ARHGAP42: variants seen among roughly 807,000 people sequenced by gnomAD.
ARHGAP42 encodes Rho GTPase activating protein 42, also known as rho GTPase-activating protein 42.
In ARHGAP42, 63 loss-of-function variants were observed where a neutral mutation model predicts 125.0. The observed-to-expected ratio is 0.50, with a 90% CI of 0.41 to 0.62. The LOEUF (loss-of-function observed/expected upper bound fraction) is 0.62. Among genes scored for constraint, ARHGAP42 ranks in the 20% least tolerant of loss-of-function variants. ARHGAP42 has a pLI of 0.00. For missense variants in ARHGAP42, 766 were observed against 1,024.2 expected (o/e 0.75, Z 3.44); for synonymous variants, 339 against 351.0 (o/e 0.97, Z 0.38).
intron 7 of ARHGAP42, among the ~76,000 whole-genome samples, chr11:100,935,238 T>A (rs546593702): frequency 1.3e-5 from 2 of 152,134 alleles, no homozygotes; most frequent in Non-Finnish European, 2.9e-5. Flanking sequence ...GAGGTATTCA[T>A]AGAGAAAAGT....
chr11:100,738,253 A>C (rs1158044639), intron 1 of ARHGAP42, among the ~76,000 whole-genome samples: 1 of 152,178 alleles, frequency 6.6e-6, no homozygotes, highest in Non-Finnish European at 1.5e-5. Context: ...TTCTCTCTTC[A>C]TCTTTAATAT....
At position 100,866,513 on chromosome 11, in the gene ARHGAP42, T is replaced by G. The variant is rs142101909; in HGVS notation, c.384+6888T>G. ...TGAGTAACTACCTGAGACTGGGTAA[T>G]TTATGAAGAAAAGAGGTTTAATTGA... On this transcript the variant is annotated intron_variant, in intron 4 of 23. Transcript: ENST00000298815. Among the ~76,000 whole-genome samples the G allele has an allele frequency of 6.1e-3, 932 of 152,286 alleles. 9 individuals carry two copies. The highest frequency in any genetic ancestry group is 0.021 in the African/African-American group (884 of 41,560).
At chr11:100,778,139 C>T (rs1399226184) in intron 2 of ARHGAP42, among the ~76,000 whole-genome samples, 1 of 151,756 alleles carries the variant, frequency 6.6e-6, no homozygotes, top group Non-Finnish European at 1.5e-5. Context: ...CACCACTGTA[C>T]TGCAGCCTGG....
intron 1 of ARHGAP42, among the ~76,000 whole-genome samples, chr11:100,733,028 C>T (rs1591135159): frequency 6.6e-6 from 1 of 152,230 alleles, no homozygotes; most frequent in East Asian, 1.9e-4. Flanking sequence ...AGTAAATCAC[C>T]ACAAATCCAG....
rs1312885518 is a variant in ARHGAP42 at position 100,993,430 on chromosome 11, G to A, written c.*4629G>A. On this transcript the variant is annotated 3_prime_UTR_variant, in exon 24 of 24. Transcript: ENST00000298815. ...CAACTGCCTCCTTTTTGCAGAGAAC[G>A]ATCCCCACAGGAACTGGTCTAAGAA... The A allele has an allele frequency of 1.8e-5, 3 of 166,832 alleles. No homozygotes were observed. The highest frequency in any genetic ancestry group is 4.4e-5 in the Non-Finnish European group (3 of 68,094). The allele number at this position is 166,832 out of a possible 1,614,324, so 10.3% of individuals were successfully genotyped here. A position where few individuals can be genotyped will look rare whatever the true frequency, so the allele number is the denominator to read the frequency against.
intron 3 of ARHGAP42, among the ~76,000 whole-genome samples, chr11:100,807,352 T>C (rs778460851): frequency 2.0e-5 from 3 of 152,012 alleles, no homozygotes; most frequent in Non-Finnish European, 4.4e-5. Context: ...TGCATCAACA[T>C]GTCTGGCCAA....
intron 4 of ARHGAP42, among the ~76,000 whole-genome samples, chr11:100,864,266 C>A (rs1310108423): frequency 2.0e-5 from 3 of 151,464 alleles, no homozygotes; most frequent in Admixed American, 6.6e-5. Context: ...CTCACTGCAA[C>A]CTCCACCTCC....
chr11:100,869,453 C>T (rs931329774), intron 4 of ARHGAP42, among the ~76,000 whole-genome samples: 1 of 150,154 alleles, frequency 6.7e-6, no homozygotes, highest in Non-Finnish European at 1.5e-5. Context: ...TCTATCTTTA[C>T]AACGTCCTTG....
chr11:100,853,501 A>G (rs71476654), intron 3 of ARHGAP42, among the ~76,000 whole-genome samples: 1 of 152,196 alleles, frequency 6.6e-6, no homozygotes, highest in African/African-American at 2.4e-5. Flanking sequence ...GAAGAAGGAT[A>G]CAATAAATAA....
intron 1 of ARHGAP42, among the ~76,000 whole-genome samples, chr11:100,716,595 G>A (rs1386121505): frequency 6.6e-6 from 1 of 152,024 alleles, no homozygotes; most frequent in East Asian, 1.9e-4. Flanking sequence ...GTTTTATATC[G>A]TATAGGGTAA....
chr11:100,878,665 T>G (rs7106381), intron 4 of ARHGAP42, among the ~76,000 whole-genome samples: 1,827 of 152,252 alleles, frequency 0.012, 41 homozygotes, highest in African/African-American at 0.041. Flanking sequence ...ATGCGGAGAT[T>G]AGAAAATGAG....
intron 17 of ARHGAP42, among the ~76,000 whole-genome samples, chr11:100,970,334 C>T (rs889416994): frequency 6.6e-6 from 1 of 152,046 alleles, no homozygotes; most frequent in African/African-American, 2.4e-5. Context: ...TCTATTTCCC[C>T]CTCTGTGTGA....
intron 17 of ARHGAP42, among the ~76,000 whole-genome samples, chr11:100,969,146 C>T (rs1001885784): frequency 6.6e-6 from 1 of 152,056 alleles, no homozygotes; most frequent in African/African-American, 2.4e-5. Flanking sequence ...TCTTAGTTGG[C>T]AGACTTTTTT....
chr11:100,908,434 C>T (rs948934336), intron 4 of ARHGAP42, among the ~76,000 whole-genome samples: 10 of 152,148 alleles, frequency 6.6e-5, no homozygotes, highest in South Asian at 2.1e-4. Context: ...TCTATTACTC[C>T]ACTCTGTATA....
At chr11:100,970,830 C>G (rs1160591577) in intron 17 of ARHGAP42, among the ~76,000 whole-genome samples, 1 of 152,090 alleles carries the variant, frequency 6.6e-6, no homozygotes, top group Non-Finnish European at 1.5e-5. Context: ...AGCCATCCAC[C>G]CTAGATGTCT....
intron 3 of ARHGAP42, among the ~76,000 whole-genome samples, chr11:100,824,360 GACT>G (rs1864465863): frequency 6.6e-6 from 1 of 152,098 alleles, no homozygotes; most frequent in African/African-American, 2.4e-5. Context: ...TTCAGTCATA[GACT>G]ACTAATGACT....
At chr11:100,833,953 C>T (rs893519107) in intron 3 of ARHGAP42, among the ~76,000 whole-genome samples, 1 of 152,064 alleles carries the variant, frequency 6.6e-6, no homozygotes, top group Non-Finnish European at 1.5e-5. Flanking sequence ...GTGATAGTTT[C>T]TTGCATATGA....
Position 100,744,443 on chromosome 11 carries a change from C to A in ARHGAP42, c.155-25900C>A, listed in dbSNP as rs186854915. On this transcript the variant is annotated intron_variant, in intron 1 of 23. Transcript: ENST00000298815. ...AAATCTAGTGTGATCATTATAGAACCCTGTTTTGTCATATTACCAGTTATT... is the reference window on the plus strand; with the variant it reads ...AAATCTAGTGTGATCATTATAGAACACTGTTTTGTCATATTACCAGTTATT... 2.1e-3 allele frequency among the ~76,000 whole-genome samples: 321 copies of A among 151,778 alleles called. 3 individuals carry two copies. Among genetic ancestry groups the A allele is most frequent in the East Asian group, 3.5e-3 (18 of 5,170 alleles).
chr11:100,841,160 GTT>G (rs1864938335), intron 3 of ARHGAP42, among the ~76,000 whole-genome samples: 1 of 152,154 alleles, frequency 6.6e-6, no homozygotes, highest in African/African-American at 2.4e-5. Context: ...CACAACTCAG[GTT>G]AATTCAAGTA....
Sources: allele counts gnomAD v4.1 joint callset (sites outside exome capture counted in the v4.1 genomes callset), GRCh38; gene constraint gnomAD v4.1.1; transcripts MANE v1.5; gene names NCBI Gene and HGNC (gene_info 2026-07-23, HGNC 2026-07-21).